Variants in EXOC6 observed in about 807,000 individuals in gnomAD.
The protein encoded by EXOC6 is SEC15-like 1.
EXOC6 carries 60 observed loss-of-function variants against 112.5 expected under a neutral mutation model. That is an observed-to-expected ratio of 0.53 (90% CI 0.43 to 0.66). The LOEUF is 0.66. Ranked by LOEUF, EXOC6 falls within the 30% of genes least tolerant of loss-of-function variation. The probability of loss-of-function intolerance (pLI) is 0.00; values close to 1 mark genes in which losing one functional copy is unlikely to be tolerated. For synonymous variants in EXOC6, 295 were observed against 308.0 expected, an observed-to-expected ratio of 0.96 and a Z score of 0.44; for missense variants, 855 against 957.1, an observed-to-expected ratio of 0.89 and a Z score of 1.41.
At chr10:92,978,476 A>G (rs61862340) in intron 18 of EXOC6, among the ~76,000 whole-genome samples, 1,717 of 152,292 alleles carry the variant, frequency 0.011, 19 homozygotes, top group Non-Finnish European at 0.017. Context: ...AACTAAAAGC[A>G]TGATTTTCAA....
At chr10:92,963,392 A>G (rs1354551956) in intron 17 of EXOC6, among the ~76,000 whole-genome samples, 4 of 152,206 alleles carry the variant, frequency 2.6e-5, no homozygotes, top group Non-Finnish European at 5.9e-5. Context: ...TTTTGGTATA[A>G]TTAACATAAC....
chr10:92,952,227 CT>C, intron 14 of EXOC6, 45 bp from the exon 15 acceptor site: 1 of 1,258,868 alleles, frequency 7.9e-7, no homozygotes, highest in South Asian at 1.3e-5. Context: ...ATTAGCATGT[CT>C]TTTTCTAAAA....
intron 20 of EXOC6, among the ~76,000 whole-genome samples, chr10:93,027,705 C>T (rs1436515999): frequency 6.6e-6 from 1 of 152,172 alleles, no homozygotes; most frequent in African/African-American, 2.4e-5. Context: ...ATTTTAAGTG[C>T]ACTGTTGAGA....
chr10:92,867,567 T>TTTCTTG (rs1848235597), intron 1 of EXOC6, among the ~76,000 whole-genome samples: 2 of 152,188 alleles, frequency 1.3e-5, no homozygotes, highest in South Asian at 4.2e-4. Flanking sequence ...GTCAGGTGAA[T>TTTCTTG]GCACTGGGCA....
chr10:92,975,375 G>A (rs1278273690), intron 18 of EXOC6, among the ~76,000 whole-genome samples: 13 of 146,586 alleles, frequency 8.9e-5, no homozygotes, highest in South Asian at 2.2e-4. Context: ...CCCGGCAGCC[G>A]CCCCGTCTGA....
intron 6 of EXOC6, among the ~76,000 whole-genome samples, chr10:92,911,938 C>CGTGTGT (rs72368133): frequency 1.7e-3 from 237 of 136,200 alleles, no homozygotes; most frequent in African/African-American, 6.2e-3. Context: ...TCTCTGTGTG[C>CGTGTGT]GTGTGTGTGT....
chr10:93,053,047 A>G (rs1422574657), intron 20 of EXOC6, among the ~76,000 whole-genome samples: 2 of 152,092 alleles, frequency 1.3e-5, no homozygotes, highest in East Asian at 3.9e-4. Flanking sequence ...AGATCTTAAT[A>G]TTAAGAACAT....
intron 9 of EXOC6, among the ~76,000 whole-genome samples, chr10:92,928,635 T>C (rs1456847251): frequency 6.8e-6 from 1 of 146,726 alleles, no homozygotes; most frequent in Non-Finnish European, 1.5e-5. Flanking sequence ...TTAGGAAAGA[T>C]AGACAGCGAA....
chr10:93,007,910 C>T (rs1844069103), intron 19 of EXOC6, among the ~76,000 whole-genome samples: 2 of 152,034 alleles, frequency 1.3e-5, no homozygotes, highest in South Asian at 4.2e-4. Flanking sequence ...TGCGGTGGCT[C>T]ACGCCTGTAA....
chr10:92,998,301 A>C (rs1026284230), intron 19 of EXOC6, among the ~76,000 whole-genome samples: 1 of 152,218 alleles, frequency 6.6e-6, no homozygotes, highest in African/African-American at 2.4e-5. Flanking sequence ...GCTTTCAAAT[A>C]AGTGGTACAC....
chr10:93,007,300 T>TTA (rs966332428), intron 19 of EXOC6, among the ~76,000 whole-genome samples: 25 of 151,864 alleles, frequency 1.6e-4, no homozygotes, highest in South Asian at 6.2e-4. Flanking sequence ...TTTTTTTTTT[T>TTA]TATATATACA....
At chr10:92,899,157 C>T (rs969043410) in intron 4 of EXOC6, among the ~76,000 whole-genome samples, 2 of 152,080 alleles carry the variant, frequency 1.3e-5, no homozygotes, top group African/African-American at 4.8e-5. Flanking sequence ...GTGAGTTTAA[C>T]ACAAGTGTGT....
chr10:92,854,943 G>T (rs1407342139), intron 1 of EXOC6, among the ~76,000 whole-genome samples: 1 of 152,104 alleles, frequency 6.6e-6, no homozygotes, highest in Non-Finnish European at 1.5e-5. Context: ...ACATTACATT[G>T]ATTGATTTCC....
chr10:92,949,103 A>G (rs370657920), intron 14 of EXOC6, among the ~76,000 whole-genome samples: 24 of 152,316 alleles, frequency 1.6e-4, no homozygotes, highest in African/African-American at 5.8e-4. Flanking sequence ...TTTTAACTGT[A>G]ACTGTCACTT....
intron 16 of EXOC6, among the ~76,000 whole-genome samples, chr10:92,955,070 A>G (rs1007802445): frequency 2.0e-5 from 3 of 152,186 alleles, no homozygotes; most frequent in Non-Finnish European, 2.9e-5. Context: ...GTGTGCAACT[A>G]TATTCCTAGC....
chr10:92,832,314 G>C (rs563157521), upstream of EXOC6, among the ~76,000 whole-genome samples: 1 of 152,162 alleles, frequency 6.6e-6, no homozygotes, highest in East Asian at 1.9e-4. Context: ...TTTTGCTCTT[G>C]TCACCCAGGC....
In EXOC6 at chr10:92,974,169, TG is replaced by T; in HGVS notation, c.1892del (p.Gly631ValfsTer3). 6.3e-7 allele frequency: 1 copy of T among 1,599,166 alleles called. No homozygotes were observed. The highest frequency in any genetic ancestry group is 2.3e-5 in the East Asian group (1 of 44,292). On this transcript the variant is annotated frameshift_variant, in exon 18 of 22. Transcript: ENST00000260762. LOFTEE classifies it high-confidence loss of function. ...TGTCTGAGCCAGATGGAAGAGCTAG[TG>T]GTTATTTAATGGACCTTATAAATTT... ...TMSEPDGRAS[G>X]YLMDLINFLR...
At chr10:92,994,028 C>T (rs940885864) in intron 18 of EXOC6, among the ~76,000 whole-genome samples, 8 of 152,154 alleles carry the variant, frequency 5.3e-5, no homozygotes, top group East Asian at 1.9e-4. Context: ...AATCTGTCAC[C>T]GGCTGGTTAA....
intron 1 of EXOC6, among the ~76,000 whole-genome samples, chr10:92,887,390 ATTTTTT>A (rs11304638): frequency 2.4e-5 from 2 of 83,782 alleles, no homozygotes; most frequent in African/African-American, 1.0e-4. Flanking sequence ...GATTAATTTA[ATTTTTT>A]TTTTTTTTTT....
Sources: allele counts gnomAD v4.1 joint callset (sites outside exome capture counted in the v4.1 genomes callset), GRCh38; gene constraint gnomAD v4.1.1; transcripts MANE v1.5; gene names NCBI Gene and HGNC (gene_info 2026-07-23, HGNC 2026-07-21).